Variants in PAM observed in about 807,000 individuals in gnomAD.
PAM encodes the protein peptidylglycine alpha-amidating monooxygenase, also known as peptidyl-glycine alpha-amidating monooxygenase.
Under a neutral mutation model 122.1 loss-of-function variants are expected in PAM, and 72 were observed. That is an observed-to-expected ratio of 0.59 (90% confidence interval 0.49 to 0.72). PAM has a LOEUF of 0.72. PAM is among the 30% of genes least tolerant of loss of function. The probability of loss-of-function intolerance (pLI) is 0.00; values close to 1 mark genes in which losing one functional copy is unlikely to be tolerated. For missense variants in PAM, 1,106 were observed against 1,183.7 expected (o/e 0.93, Z 0.96); for synonymous variants, 389 against 404.4 (o/e 0.96, Z 0.46).
intron 5 of PAM, among the ~76,000 whole-genome samples, chr5:102,916,285 G>A (rs1005624887): frequency 6.6e-6 from 1 of 152,054 alleles, no homozygotes; most frequent in Non-Finnish European, 1.5e-5. Flanking sequence ...GGAAGTGTGT[G>A]TACTGCTTGA....
intron 14 of PAM, among the ~76,000 whole-genome samples, chr5:102,970,144 G>A (rs970830843): frequency 2.2e-4 from 33 of 152,244 alleles, no homozygotes; most frequent in Admixed American, 2.0e-3. Flanking sequence ...ATAGGAAGTG[G>A]AAAGAAATGC....
At chr5:102,962,949 C>T (rs1010498728) in intron 14 of PAM, among the ~76,000 whole-genome samples, 15 of 151,626 alleles carry the variant, frequency 9.9e-5, no homozygotes, top group Non-Finnish European at 2.2e-4. Flanking sequence ...TATTTTCCTG[C>T]AGTTTCTATT....
At chr5:102,891,246 T>C (rs921375695) in intron 3 of PAM, among the ~76,000 whole-genome samples, 4 of 151,850 alleles carry the variant, frequency 2.6e-5, no homozygotes, top group Non-Finnish European at 4.4e-5. Flanking sequence ...CGTCACCCCT[T>C]AAAACACAAT....
At chr5:102,890,290 T>C (rs1311789332) in intron 3 of PAM, among the ~76,000 whole-genome samples, 2 of 151,924 alleles carry the variant, frequency 1.3e-5, no homozygotes, top group Admixed American at 1.3e-4. Context: ...ATGTTAATAC[T>C]ACCTATTAAT....
chr5:102,919,618 T>G (rs1029308566), intron 5 of PAM, among the ~76,000 whole-genome samples: 2 of 152,170 alleles, frequency 1.3e-5, no homozygotes, highest in Non-Finnish European at 2.9e-5. Context: ...TTTTAAGCAC[T>G]GTAAAATGTG....
chr5:102,958,865 C>A (rs1030580619), intron 12 of PAM, among the ~76,000 whole-genome samples: 1 of 152,100 alleles, frequency 6.6e-6, no homozygotes, highest in East Asian at 1.9e-4. Flanking sequence ...TATTTCTGTA[C>A]AGCAAATAAC....
At chr5:102,872,805 T>C (rs1787955900) in intron 3 of PAM, among the ~76,000 whole-genome samples, 1 of 152,220 alleles carries the variant, frequency 6.6e-6, no homozygotes, top group Non-Finnish European at 1.5e-5. Flanking sequence ...GTTTTCAGGC[T>C]ACAATAACGT....
chr5:102,996,381 C>T (rs1384682914), intron 16 of PAM, among the ~76,000 whole-genome samples: 3 of 152,206 alleles, frequency 2.0e-5, no homozygotes, highest in African/African-American at 7.2e-5. Context: ...TGTGGAGTAG[C>T]TGCTTTAGAA....
chr5:102,950,689 T>C, intron 11 of PAM, 28 bp from the exon 12 acceptor site: 2 of 1,275,018 alleles, frequency 1.6e-6, no homozygotes, highest in Non-Finnish European at 2.3e-6. Flanking sequence ...GTAATATTAA[T>C]GATTCATTGT....
chr5:102,929,717 G>A (rs1405967560), intron 7 of PAM, among the ~76,000 whole-genome samples: 2 of 152,118 alleles, frequency 1.3e-5, no homozygotes, highest in Admixed American at 1.3e-4. Context: ...GTGGGAATGT[G>A]GTAGAGTATC....
intron 7 of PAM, among the ~76,000 whole-genome samples, chr5:102,936,464 G>A (rs892145453): frequency 6.6e-6 from 1 of 151,956 alleles, no homozygotes; most frequent in Admixed American, 6.6e-5. Context: ...TCCAACATAG[G>A]TCTTTGTTGT....
Position 102,957,266 on chromosome 5 carries a change from A to G in PAM, c.906-2609A>G, listed in dbSNP as rs1443524914. On this transcript the variant is annotated intron_variant, in intron 12 of 25. Coordinates refer to ENST00000438793, the MANE Select transcript of PAM (RefSeq NM_001177306.2). ...TTGGTCATTCTTAAACAATACTAGC[A>G]TTTTGTTTCTACCTACGTAAGAGCA... Among the ~76,000 whole-genome samples, 3 of 152,234 alleles carry G rather than the reference A, an allele frequency of 2.0e-5. No homozygotes were observed. In the East Asian group the frequency reaches 5.8e-4, roughly 29 times the overall value.
chr5:102,772,268 T>C (rs938120643), intron 1 of PAM, among the ~76,000 whole-genome samples: 4 of 152,234 alleles, frequency 2.6e-5, no homozygotes, highest in East Asian at 1.9e-4. Context: ...TTACCTAGAG[T>C]ACCTCTAATG....
chr5:102,922,701 T>C (rs975366729), intron 5 of PAM, among the ~76,000 whole-genome samples: 4 of 152,260 alleles, frequency 2.6e-5, no homozygotes, highest in Non-Finnish European at 4.4e-5. Context: ...GAAACAGTTA[T>C]CTTGTTTAAC....
chr5:102,810,254 CTTGA>C (rs1554071094), intron 1 of PAM, among the ~76,000 whole-genome samples: 4 of 152,108 alleles, frequency 2.6e-5, no homozygotes, highest in Non-Finnish European at 5.9e-5. Flanking sequence ...CTTTTGCTGA[CTTGA>C]TTGATATGAG....
chr5:102,943,471 C>A (rs1755963099), intron 7 of PAM, among the ~76,000 whole-genome samples: 1 of 152,114 alleles, frequency 6.6e-6, no homozygotes, highest in Admixed American at 6.6e-5. Context: ...TGGTTACTTA[C>A]CCATTTTTGC....
At chr5:103,007,254 C>T (rs1469887147) in intron 19 of PAM, among the ~76,000 whole-genome samples, 1 of 150,520 alleles carries the variant, frequency 6.6e-6, no homozygotes, top group Non-Finnish European at 1.5e-5. Flanking sequence ...ATCCACCAAA[C>T]AACTATCCAA....
At chr5:102,831,627 A>G (rs1775474872) in intron 1 of PAM, among the ~76,000 whole-genome samples, 1 of 152,168 alleles carries the variant, frequency 6.6e-6, no homozygotes. Flanking sequence ...TAGGAATGAT[A>G]TAGCTATATT....
chr5:102,784,713 G>T (rs1760022522), intron 1 of PAM, among the ~76,000 whole-genome samples: 2 of 152,178 alleles, frequency 1.3e-5, no homozygotes, highest in Non-Finnish European at 2.9e-5. Flanking sequence ...TGTGAAACAT[G>T]ACTTTGTGTC....
Sources: allele counts gnomAD v4.1 joint callset (sites outside exome capture counted in the v4.1 genomes callset), GRCh38; gene constraint gnomAD v4.1.1; transcripts MANE v1.5; gene names NCBI Gene and HGNC (gene_info 2026-07-23, HGNC 2026-07-21).